The following MSANTD4 variants were observed in gnomAD, a reference collection of about 807,000 sequenced individuals.
MSANTD4 encodes the protein myb/SANT-like DNA-binding domain-containing protein 4.
A neutral mutation model predicts 34.3 loss-of-function variants in MSANTD4; 13 were observed. The observed-to-expected ratio is 0.38, with a 90% CI of 0.25 to 0.60. MSANTD4 has a LOEUF of 0.60. Among genes scored for constraint, MSANTD4 ranks in the 20% least tolerant of loss-of-function variants. MSANTD4 has a pLI of 0.63. For synonymous variants in MSANTD4, 137 were observed against 145.2 expected, an observed-to-expected ratio of 0.94 and a Z score of 0.41; for missense variants, 358 against 401.8, an observed-to-expected ratio of 0.89 and a Z score of 0.93.
intron 1 of MSANTD4, among the ~76,000 whole-genome samples, chr11:106,015,457 G>C (rs542073046): frequency 1.3e-5 from 2 of 152,154 alleles, no homozygotes; most frequent in Non-Finnish European, 2.9e-5. Context: ...TTGACAAAAG[G>C]AAACAAAAAT....
chr11:106,010,866 G>C lies in MSANTD4; in HGVS notation c.52C>G (p.Gln18Glu). 6.2e-7 allele frequency: 1 copy of C among 1,611,606 alleles called. No homozygotes were observed. Among genetic ancestry groups the C allele is most frequent in the Non-Finnish European group, 8.5e-7 (1 of 1,179,110 alleles). Residue 18 changes from glutamine (Q) to glutamate (E), a missense_variant, in exon 2 of 3, where the codon CAG becomes GAG. Around this residue, in one of 2 missense-constraint regions of MSANTD4, gnomAD observed 46 missense variants for 84.3 expected, o/e 0.55. Transcript: ENST00000301919. ...RKSNFSVQET[Q>E]TLLKEITKRK... ...TTCGTAATTTCTTTCAAAAGGGTCT[G>C]AGTTTCTTGAACACTAAAATTGCTT...
At chr11:106,017,490 C>T (rs1859885860) in intron 1 of MSANTD4, among the ~76,000 whole-genome samples, 1 of 152,062 alleles carries the variant, frequency 6.6e-6, no homozygotes, top group South Asian at 2.1e-4. Flanking sequence ...TATTTAAAGT[C>T]CCATTTTTTT....
In MSANTD4 at chr11:106,009,411, T is replaced by A. The variant is rs1474324225; in HGVS notation, c.*124A>T. 1.1e-6 allele frequency: 1 copy of A among 922,346 alleles called. No homozygotes were observed. Among genetic ancestry groups the A allele is most frequent in the African/African-American group, 1.7e-5 (1 of 59,598 alleles). The allele number at this position is 922,346 out of a possible 1,614,324, so 57.1% of individuals were successfully genotyped here. ...AGGCATACAGTTATCCACATATAACTTTTTCCTACTGAACACTGACATTAG... is the reference window on the plus strand; with the variant it reads ...AGGCATACAGTTATCCACATATAACATTTTCCTACTGAACACTGACATTAG... On this transcript the variant is annotated 3_prime_UTR_variant, in exon 3 of 3. Coordinates refer to ENST00000301919, the MANE Select transcript of MSANTD4 (RefSeq NM_032424.3).
In MSANTD4 at chr11:106,008,396, G is replaced by C. The variant is rs1486805995; in HGVS notation, c.*1139C>G. ...TCTGAGCTTCACATTCAGAAATAAC[G>C]ACAGATACAACTCTCAAGAATTGTT... On this transcript the variant is annotated 3_prime_UTR_variant, in exon 3 of 3. Transcript: ENST00000301919. The C allele has an allele frequency of 9.2e-5, 14 of 152,104 alleles. No individual in the cohort carries two copies. The highest frequency in any genetic ancestry group is 6.5e-4 in the Admixed American group (10 of 15,272). 9.4% of individuals were successfully genotyped at this position (152,104 alleles called of 1,614,324 possible).
In MSANTD4 at chr11:106,009,513, G is replaced by A. The variant is rs749080512; in HGVS notation, c.*22C>T. ...AAAAATCTAGAGTTTTCAAACATTTGCTAAATGGAAGCCTGGAAAAATCAC... is the reference window on the plus strand; with the variant it reads ...AAAAATCTAGAGTTTTCAAACATTTACTAAATGGAAGCCTGGAAAAATCAC... On this transcript the variant is annotated 3_prime_UTR_variant, in exon 3 of 3. Transcript: ENST00000301919. The A allele has an allele frequency of 6.4e-7, 1 of 1,565,240 alleles. No homozygotes were observed. The highest frequency in any genetic ancestry group is 2.0e-5 in the Admixed American group (1 of 50,242).
At chr11:106,017,852 G>T (rs2134957900) in intron 1 of MSANTD4, among the ~76,000 whole-genome samples, 1 of 152,154 alleles carries the variant, frequency 6.6e-6, no homozygotes, top group South Asian at 2.1e-4. Flanking sequence ...AAGAAATGAA[G>T]AAAAATTATA....
intron 1 of MSANTD4, among the ~76,000 whole-genome samples, chr11:106,015,504 G>A (rs1686064431): frequency 6.6e-6 from 1 of 152,146 alleles, no homozygotes; most frequent in African/African-American, 2.4e-5. Context: ...TTCCTAAGTT[G>A]AGGGATAGGT....
rs752583387 is a variant in MSANTD4 at position 106,010,055 on chromosome 11, C to T, written c.518G>A (p.Arg173Lys). Residue 173 changes from arginine (R) to lysine (K), a missense_variant, in exon 3 of 3, where the codon AGA (arginine) becomes AAA (lysine). Coordinates refer to ENST00000301919, the MANE Select transcript of MSANTD4 (RefSeq NM_032424.3). Reference sequence around the variant, plus strand: ...GGGGAAATCGGGAAGTTCATTTTCTCTCCTGGAATCTGGTATGACGGATGA... The same window carrying T: ...GGGGAAATCGGGAAGTTCATTTTCTTTCCTGGAATCTGGTATGACGGATGA... Reference protein sequence around the residue: ...MLSSVIPDSRRENELPDFPHI... With the variant: ...MLSSVIPDSRKENELPDFPHI... 2 of 1,598,666 alleles carry T rather than the reference C, an allele frequency of 1.3e-6. No homozygotes were observed. The highest frequency in any genetic ancestry group is 3.4e-5 in the Admixed American group (2 of 59,482).
chr11:106,014,711 C>A (rs1299596590), intron 1 of MSANTD4, among the ~76,000 whole-genome samples: 1 of 152,160 alleles, frequency 6.6e-6, no homozygotes, highest in Non-Finnish European at 1.5e-5. Context: ...CCTTTTCAAG[C>A]TCTTGGTATT....
chr11:106,009,826 C>T lies in MSANTD4; in HGVS notation c.747G>A (p.Arg249=). 6.2e-7 allele frequency: 1 copy of T among 1,614,188 alleles called. No individual in the cohort carries two copies. The highest frequency in any genetic ancestry group is 1.1e-5 in the South Asian group (1 of 91,078). The change falls in exon 3 of 3, where the codon CGG becomes CGA. Residue 249 remains arginine (R), a synonymous_variant. Transcript: ENST00000301919. The part of the protein sequence containing the change: ...RLRHLDMEHE[R]LQLEKERLQI... ...GCAGCCGCTCCTTCTCTAGCTGAAGCCGCTCATGTTCCATGTCTAAATGCC... is the reference window on the plus strand; with the variant it reads ...GCAGCCGCTCCTTCTCTAGCTGAAGTCGCTCATGTTCCATGTCTAAATGCC...
Position 106,009,945 on chromosome 11 carries a change from G to C in MSANTD4, c.628C>G (p.Gln210Glu). The C allele has an allele frequency of 6.2e-7, 1 of 1,613,414 alleles. No homozygotes were observed. Among genetic ancestry groups the C allele is most frequent in the African/African-American group, 1.3e-5 (1 of 74,950 alleles). Residue 210 changes from glutamine to glutamate, a missense_variant, in exon 3 of 3, where the codon CAG becomes GAG. Around this residue, in one of 2 missense-constraint regions of MSANTD4, gnomAD observed 312 missense variants for 317.6 expected, o/e 0.98. Coordinates refer to ENST00000301919, the MANE Select transcript of MSANTD4 (RefSeq NM_032424.3). The stretch of plus-strand genomic sequence containing the variant: ...CGTCGTTTTTCCAACTCTAGTTTCT[G>C]TTTCTCAATATTTACGAGCAAATGA... The part of the protein sequence containing the change: ...EPHLLVNIEK[Q>E]KLELEKRRLD...
Position 106,009,362 on chromosome 11 carries a change from G to A in MSANTD4, c.*173C>T. On this transcript the variant is annotated 3_prime_UTR_variant, in exon 3 of 3. Transcript: ENST00000301919. ...AGTTTCTGCTATACTGTTTACGCTAGGGCACAGCTTTTATATACTACTTAG... is the reference window on the plus strand; with the variant it reads ...AGTTTCTGCTATACTGTTTACGCTAAGGCACAGCTTTTATATACTACTTAG... 1 of 617,162 alleles carries A rather than the reference G, an allele frequency of 1.6e-6. No homozygotes were observed. The highest frequency in any genetic ancestry group is 2.8e-6 in the Non-Finnish European group (1 of 356,078). The allele number at this position is 617,162 out of a possible 1,614,324, so 38.2% of individuals were successfully genotyped here. A position where few individuals can be genotyped will look rare whatever the true frequency, so the allele number is the denominator to read the frequency against.
rs1370080990 is a variant in MSANTD4, at chr11:106,009,635, T to G, written c.938A>C (p.Gln313Pro). The change falls in exon 3 of 3, where the codon CAG (glutamine) becomes CCG (proline). Residue 313 changes from glutamine to proline, a missense_variant. Coordinates refer to ENST00000301919, the MANE Select transcript of MSANTD4 (RefSeq NM_032424.3). The stretch of plus-strand genomic sequence containing the variant: ...CTTCTCAGATTCAAACTTCAAAAAC[T>G]GCAGCCTATCCTTTTCCAGTTGCAA... ...ERLQLEKDRLQFLKFESEKLQ... is the reference protein window; with the variant it reads ...ERLQLEKDRLPFLKFESEKLQ... 5 of 1,614,092 alleles carry G rather than the reference T, an allele frequency of 3.1e-6. No individual in the cohort carries two copies. Among genetic ancestry groups the G allele is most frequent in the Non-Finnish European group, 4.2e-6 (5 of 1,180,042 alleles).
intron 1 of MSANTD4, among the ~76,000 whole-genome samples, chr11:106,019,145 A>G (rs1306037250): frequency 1.3e-5 from 2 of 152,166 alleles, no homozygotes; most frequent in Non-Finnish European, 2.9e-5. Context: ...CACCTCCAGT[A>G]CCAACTCCCA....
At chr11:106,019,853 T>C (rs1376444241) in intron 1 of MSANTD4, among the ~76,000 whole-genome samples, 1 of 152,254 alleles carries the variant, frequency 6.6e-6, no homozygotes, top group Admixed American at 6.5e-5. Flanking sequence ...CCTAAGGCTG[T>C]ATGCCAATTC....
intron 2 of MSANTD4, 83 bp from the exon 3 acceptor site, chr11:106,010,193 C>A: frequency 1.5e-6 from 2 of 1,347,652 alleles, no homozygotes; most frequent in Non-Finnish European, 2.0e-6. Context: ...AAGCTTTCTG[C>A]GTCGTTTGGG....
At position 106,009,288 on chromosome 11, in the gene MSANTD4, C is replaced by T. The variant is rs779169203; in HGVS notation, c.*247G>A. ...TAATTGTAAACTCTGGGTACACAGACAATACAAGACTCTATGTAATATTAT... is the reference window on the plus strand; with the variant it reads ...TAATTGTAAACTCTGGGTACACAGATAATACAAGACTCTATGTAATATTAT... On this transcript the variant is annotated 3_prime_UTR_variant, in exon 3 of 3. Coordinates refer to ENST00000301919, the MANE Select transcript of MSANTD4 (RefSeq NM_032424.3). 1 of 364,984 alleles carries T rather than the reference C, an allele frequency of 2.7e-6. No individual in the cohort carries two copies. The highest frequency in any genetic ancestry group is 4.9e-6 in the Non-Finnish European group (1 of 203,988). The allele number at this position is 364,984 out of a possible 1,614,324, so 22.6% of individuals were successfully genotyped here. A position where few individuals can be genotyped will look rare whatever the true frequency, so the allele number is the denominator to read the frequency against.
intron 2 of MSANTD4, 69 bp downstream of exon 2, chr11:106,010,387 G>C: frequency 1.3e-6 from 2 of 1,520,612 alleles, no homozygotes; most frequent in Non-Finnish European, 1.8e-6. Flanking sequence ...TGTGTTAACA[G>C]TTCCTGAACA....
rs1353506557 is a variant in MSANTD4, at chr11:106,021,600, T to C, written c.-789A>G. Reference sequence around the variant, plus strand: ...AACCCTACCCAAATTCTCTTTAAAGTGTGGCTTTCCCCTCCCCTATATTCT... The same window carrying C: ...AACCCTACCCAAATTCTCTTTAAAGCGTGGCTTTCCCCTCCCCTATATTCT... On this transcript the variant is annotated 5_prime_UTR_variant, in exon 1 of 3. Coordinates refer to ENST00000301919, the MANE Select transcript of MSANTD4 (RefSeq NM_032424.3). 6.6e-6 allele frequency: 1 copy of C among 152,166 alleles called. No homozygotes were observed. The highest frequency in any genetic ancestry group is 2.4e-5 in the African/African-American group (1 of 41,430). 9.4% of individuals were successfully genotyped at this position (152,166 alleles called of 1,614,324 possible).
Sources: allele counts gnomAD v4.1 joint callset (sites outside exome capture counted in the v4.1 genomes callset), GRCh38; gene constraint gnomAD v4.1.1; regional missense constraint gnomAD v4.1.1; transcripts MANE v1.5; gene names NCBI Gene and HGNC (gene_info 2026-07-23, HGNC 2026-07-21).